COL4A2: variants seen among roughly 807,000 people sequenced by gnomAD.
COL4A2 encodes the protein collagen type IV alpha 2 chain.
COL4A2 carries 99 observed loss-of-function variants against 200.2 expected under a neutral mutation model. That is an observed-to-expected ratio of 0.49 (90% CI 0.42 to 0.58). COL4A2 has a LOEUF of 0.58. COL4A2 is among the 20% of genes least tolerant of loss of function. The probability of loss-of-function intolerance (pLI) is 0.00; values close to 1 mark genes in which losing one functional copy is unlikely to be tolerated. For missense variants in COL4A2, 1,950 were observed against 2,314.1 expected, an observed-to-expected ratio of 0.84 and a Z score of 3.23; for synonymous variants, 897 against 900.6, an observed-to-expected ratio of 1.00 and a Z score of 0.07.
chr13:110,485,587 A>G, intron 33 of COL4A2, 68 bp from the exon 34 acceptor site: 2 of 1,349,892 alleles, frequency 1.5e-6, no homozygotes, highest in South Asian at 1.4e-5. Context: ...TCCAGGCTGC[A>G]AAATTGAAAA....
intron 4 of COL4A2, among the ~76,000 whole-genome samples, chr13:110,381,045 C>T (rs181087784): frequency 1.8e-3 from 264 of 144,202 alleles, no homozygotes; most frequent in African/African-American, 6.3e-3. Context: ...CTCACACCTA[C>T]GGGCTCTGTC....
intron 3 of COL4A2, 95 bp downstream of exon 3, chr13:110,308,218 A>AGT: frequency 1.9e-5 from 27 of 1,402,176 alleles, no homozygotes; most frequent in African/African-American, 2.8e-5. Context: ...TGCGCTCCCG[A>AGT]GTGTGTGTGT....
At chr13:110,333,323 A>G (rs573910939) in intron 3 of COL4A2, among the ~76,000 whole-genome samples, 8 of 152,200 alleles carry the variant, frequency 5.3e-5, no homozygotes, top group Non-Finnish European at 8.8e-5. Context: ...AAACATTAGG[A>G]GTCCCACACC....
At chr13:110,458,661 C>A in intron 21 of COL4A2, 110 bp from the exon 22 acceptor site, 2 of 1,308,170 alleles carry the variant, frequency 1.5e-6, no homozygotes, top group East Asian at 2.3e-5. Context: ...CAGGCAGTGT[C>A]CATAAAGCAC....
At chr13:110,450,486 G>T in intron 20 of COL4A2, 32 bp downstream of exon 20, 1 of 1,611,418 alleles carries the variant, frequency 6.2e-7, no homozygotes, top group African/African-American at 1.3e-5. Context: ...GGAGGGTGTA[G>T]CCTAATGTTC....
chr13:110,346,045 G>T (rs1007631564), intron 3 of COL4A2, among the ~76,000 whole-genome samples: 5 of 152,158 alleles, frequency 3.3e-5, no homozygotes, highest in Non-Finnish European at 5.9e-5. Flanking sequence ...CCCCAGCCAG[G>T]ATCCTGGGCT....
chr13:110,502,419 G>A (rs1428953938), intron 41 of COL4A2, among the ~76,000 whole-genome samples: 2 of 152,104 alleles, frequency 1.3e-5, no homozygotes, highest in Admixed American at 6.6e-5. Flanking sequence ...CCGCCTCCCG[G>A]GTTCAAGGAA....
At chr13:110,343,940 T>G (rs765630154) in intron 3 of COL4A2, among the ~76,000 whole-genome samples, 13 of 152,208 alleles carry the variant, frequency 8.5e-5, no homozygotes, top group Non-Finnish European at 1.8e-4. Flanking sequence ...AATATTTACC[T>G]TAGACCTATA....
At chr13:110,334,940 C>G (rs1252440920) in intron 3 of COL4A2, among the ~76,000 whole-genome samples, 1 of 152,146 alleles carries the variant, frequency 6.6e-6, no homozygotes, top group Admixed American at 6.5e-5. Flanking sequence ...TCCACGCAGC[C>G]CGTCTTCAGT....
intron 3 of COL4A2, among the ~76,000 whole-genome samples, chr13:110,343,958 A>G (rs543652697): frequency 2.8e-4 from 43 of 152,356 alleles, no homozygotes; most frequent in Non-Finnish European, 5.9e-4. Flanking sequence ...ATATGCCAAT[A>G]CTAACCACAT....
chr13:110,447,837 C>G (rs9559800), intron 18 of COL4A2, among the ~76,000 whole-genome samples: 6 of 151,930 alleles, frequency 3.9e-5, no homozygotes, highest in Non-Finnish European at 8.8e-5. Context: ...TTGAACTCAG[C>G]AGGTCACCTG....
At chr13:110,314,658 T>C (rs542502187) in intron 3 of COL4A2, among the ~76,000 whole-genome samples, 1 of 152,216 alleles carries the variant, frequency 6.6e-6, no homozygotes, top group South Asian at 2.1e-4. Flanking sequence ...GAGCCCAAGA[T>C]GGAAGGGCAG....
chr13:110,470,856 G>A (rs529033008), intron 28 of COL4A2, among the ~76,000 whole-genome samples: 20 of 152,282 alleles, frequency 1.3e-4, no homozygotes, highest in African/African-American at 2.6e-4. Context: ...GTTGCAGCCC[G>A]TAGGGATTGT....
chr13:110,370,332 C>T (rs995952700), intron 4 of COL4A2, among the ~76,000 whole-genome samples: 3 of 151,984 alleles, frequency 2.0e-5, no homozygotes, highest in African/African-American at 7.3e-5. Flanking sequence ...GTAGCAATCT[C>T]GACTCAATGC....
chr13:110,382,084 G>T (rs1047441817), intron 4 of COL4A2, among the ~76,000 whole-genome samples: 1 of 152,088 alleles, frequency 6.6e-6, no homozygotes, highest in Non-Finnish European at 1.5e-5. Context: ...ACTACTTTAA[G>T]ATCAGAAAAT....
chr13:110,461,550 T>G (rs1882026590), intron 22 of COL4A2, among the ~76,000 whole-genome samples: 1 of 152,214 alleles, frequency 6.6e-6, no homozygotes, highest in African/African-American at 2.4e-5. Context: ...AGACAGAGTC[T>G]CACTTTGTCA....
intron 18 of COL4A2, among the ~76,000 whole-genome samples, chr13:110,447,769 C>G (rs1881386251): frequency 7.0e-6 from 1 of 142,960 alleles, no homozygotes; most frequent in Non-Finnish European, 1.6e-5. Flanking sequence ...AGAAACATAT[C>G]AGACAGGCAT....
At chr13:110,328,435 T>A (rs1566475354) in intron 3 of COL4A2, 1 of 152,236 alleles carries the variant, frequency 6.6e-6, no homozygotes, top group Non-Finnish European at 1.5e-5. Flanking sequence ...TTCACTGCTA[T>A]CTGAAGCAAA....
intron 3 of COL4A2, among the ~76,000 whole-genome samples, chr13:110,313,482 ACCCGGCAGGCTCCCACCCCG>A (rs1885045358): frequency 6.6e-6 from 1 of 151,398 alleles, no homozygotes; most frequent in South Asian, 2.1e-4. Context: ...CCCCGCGTCC[ACCCGGCAGGCTCCCACCCCG>A]GTGCCCCGCG....
Sources: allele counts gnomAD v4.1 joint callset (sites outside exome capture counted in the v4.1 genomes callset), GRCh38; gene constraint gnomAD v4.1.1; transcripts MANE v1.5; gene names NCBI Gene and HGNC (gene_info 2026-07-23, HGNC 2026-07-21).